Variants in MEF2D observed in about 807,000 individuals in gnomAD.
The protein encoded by MEF2D is myocyte-specific enhancer factor 2D.
Under a neutral mutation model 59.3 loss-of-function variants are expected in MEF2D, and 10 were observed. That is an observed-to-expected ratio of 0.17 (90% confidence interval 0.10 to 0.29). The LOEUF (loss-of-function observed/expected upper bound fraction) is 0.29. MEF2D is among the 10% of genes least tolerant of loss of function. The pLI is 1.00. For synonymous variants in MEF2D, 305 were observed against 295.0 expected (o/e 1.03, Z -0.35); for missense variants, 508 against 699.4 (o/e 0.73, Z 3.09).
chr1:156,474,388 G>A (rs771839267), intron 9 of MEF2D, among the ~76,000 whole-genome samples: 7 of 152,184 alleles, frequency 4.6e-5, no homozygotes, highest in Non-Finnish European at 8.8e-5. Flanking sequence ...AGAAGAGGTT[G>A]CAGTGAGCCA....
chr1:156,474,986 T>C (rs1324518865), intron 9 of MEF2D, 122 bp downstream of exon 9: 2 of 1,389,982 alleles, frequency 1.4e-6, no homozygotes. Context: ...TAGGTGGGGG[T>C]TCCCCCAAAT....
rs975204945 is a variant in MEF2D at position 156,479,504 on chromosome 1, A to G, written c.607+82T>C. On this transcript the variant is annotated intron_variant, in intron 5 of 11. Transcript: ENST00000348159. ...GGAATGCTGTGGTGGGTGAAGAGAA[A>G]TACTTGCTGTTGAAAATGGAATCCC... 3.3e-6 allele frequency: 5 copies of G among 1,518,048 alleles called. No homozygotes were observed. The Admixed American group carries it at 1.0e-4, about 30-fold the overall frequency. The allele number at this position is 1,518,048 out of a possible 1,614,324, so 94.0% of individuals were successfully genotyped here.
Position 156,477,188 on chromosome 1 carries a change from T to C in MEF2D, c.679A>G (p.Ser227Gly). ...AGGAGGCCAGGGGAAGCCCGAGCAC[T>C]GACGTAGCCATTCCCTGGAGAAGTG... ...CPSPVGNGYV[S>G]ARASPGLLPV... The change falls in exon 7 of 12, where the codon AGT becomes GGT. Residue 227 changes from serine (S) to glycine (G), a missense_variant. By Grantham distance (56) the Ser-to-Gly change is moderately conservative (BLOSUM62 0). Around this residue, in one of 2 missense-constraint regions of MEF2D, gnomAD observed 481 missense variants for 584.7 expected, o/e 0.82. Coordinates refer to ENST00000348159, the MANE Select transcript of MEF2D (RefSeq NM_005920.4). 1.2e-6 allele frequency: 2 copies of C among 1,603,812 alleles called. No homozygotes were observed. Among genetic ancestry groups the C allele is most frequent in the Non-Finnish European group, 1.7e-6 (2 of 1,173,992 alleles).
rs568884554 is a variant in MEF2D at position 156,500,322 on chromosome 1, C to A, written c.-139+164G>T. ...CAGTCCCCTAGGTAATCCCCGCCAA[C>A]GCCACACGAAAACACGGCCCGCTTC... On this transcript the variant is annotated intron_variant, in intron 1 of 11. Transcript: ENST00000348159. Among the ~76,000 whole-genome samples the A allele has an allele frequency of 1.8e-4, 27 of 152,362 alleles. No individual in the cohort carries two copies. In the East Asian group the frequency reaches 5.0e-3, roughly 28 times the overall value.
chr1:156,468,805 C>T lies in MEF2D; in HGVS notation c.1222G>A (p.Val408Ile). 1.2e-6 allele frequency: 2 copies of T among 1,613,918 alleles called. No homozygotes were observed. Among genetic ancestry groups the T allele is most frequent in the Non-Finnish European group, 1.7e-6 (2 of 1,179,846 alleles). ...ATGAGGTTGCTGAGAGATACAGGGA[C>T]CAGGTGGGACTGTTGCTGAGGTGGC... Reference protein sequence around the residue: ...QQPPQQQSHLVPVSLSNLIPG... With the variant: ...QQPPQQQSHLIPVSLSNLIPG... Residue 408 changes from valine (V) to isoleucine (I), a missense_variant, in exon 10 of 12, where the codon GTC becomes ATC. Physicochemically the swap from Val to Ile is conservative, Grantham distance 29. Around this residue, in one of 2 missense-constraint regions of MEF2D, gnomAD observed 481 missense variants for 584.7 expected, o/e 0.82. Coordinates refer to ENST00000348159, the MANE Select transcript of MEF2D (RefSeq NM_005920.4). The surrounding 1 kb of genome is among the most constrained non-coding windows in gnomAD (Gnocchi z 4.3).
chr1:156,474,696 G>A (rs911037455), intron 9 of MEF2D, among the ~76,000 whole-genome samples: 6 of 152,120 alleles, frequency 3.9e-5, no homozygotes, highest in Admixed American at 3.9e-4. Flanking sequence ...TGTAGTCCCA[G>A]CTACTCAGGA....
In MEF2D at chr1:156,483,395, A is replaced by G. The variant is rs1239220133; in HGVS notation, c.-103T>C. On this transcript the variant is annotated 5_prime_UTR_variant, in exon 2 of 12. An upstream open reading frame in the 5' UTR loses its in-frame stop. Transcript: ENST00000348159. ...CATGAACGGTCTGGGAACAGTGCTC[A>G]GTTCATGGTCTGCAGGATACCTTCT... The G allele has an allele frequency of 2.7e-6, 3 of 1,121,766 alleles. No homozygotes were observed. The highest frequency in any genetic ancestry group is 4.1e-6 in the Non-Finnish European group (3 of 737,072). The allele number at this position is 1,121,766 out of a possible 1,614,324, so 69.5% of individuals were successfully genotyped here.
intron 5 of MEF2D, 48 bp downstream of exon 5, chr1:156,479,538 C>T (rs1188816113): frequency 4.5e-6 from 7 of 1,543,270 alleles, no homozygotes; most frequent in Admixed American, 4.0e-5. Context: ...CCAAAGTCCC[C>T]ATCACATCTC....
At chr1:156,470,779 T>C (rs867798093) in intron 9 of MEF2D, among the ~76,000 whole-genome samples, 2 of 152,178 alleles carry the variant, frequency 1.3e-5, no homozygotes, top group South Asian at 2.1e-4. Flanking sequence ...ACAAAAAGCA[T>C]GTAGAACAGT....
intron 1 of MEF2D, among the ~76,000 whole-genome samples, 188 bp from the exon 2 acceptor site, chr1:156,483,618 C>T (rs1672164047): frequency 6.6e-6 from 1 of 152,234 alleles, no homozygotes; most frequent in Non-Finnish European, 1.5e-5. Context: ...CTGGAGCTCA[C>T]ACCAAGGCCC....
In MEF2D at chr1:156,464,747, A is replaced by G. The variant is rs1670739362; in HGVS notation, c.*2898T>C. ...CACCCCATCCCCAGGGACAGAGAAG[A>G]AAGGACACTGAAACATCCACACATG... On this transcript the variant is annotated 3_prime_UTR_variant, in exon 12 of 12. Transcript: ENST00000348159. 6.6e-6 allele frequency: 1 copy of G among 152,246 alleles called. No individual in the cohort carries two copies. Among genetic ancestry groups the G allele is most frequent in the Non-Finnish European group, 1.5e-5 (1 of 68,076 alleles). The allele number at this position is 152,246 out of a possible 1,614,324, so 9.4% of individuals were successfully genotyped here.
At chr1:156,493,257 G>A (rs1057509830) in intron 1 of MEF2D, among the ~76,000 whole-genome samples, 1 of 152,184 alleles carries the variant, frequency 6.6e-6, no homozygotes, top group Non-Finnish European at 1.5e-5. Flanking sequence ...AAAACATGAA[G>A]GGTTCACCTA....
In MEF2D at chr1:156,466,082, TG is replaced by T. The variant is rs1670820732; in HGVS notation, c.*1562del. The T allele has an allele frequency of 6.6e-6, 1 of 152,172 alleles. No homozygotes were observed. The highest frequency in any genetic ancestry group is 2.1e-4 in the South Asian group (1 of 4,828). The allele number at this position is 152,172 out of a possible 1,614,324, so 9.4% of individuals were successfully genotyped here. A position where few individuals can be genotyped will look rare whatever the true frequency, so the allele number is the denominator to read the frequency against. On this transcript the variant is annotated 3_prime_UTR_variant, in exon 12 of 12. Transcript: ENST00000348159. ...CCCCCTCTGGTTTGATCTCCAATCC[TG>T]CCTGAGGTCTCAGGACCCCGTGCTT...
rs58318768 is a variant in MEF2D, at chr1:156,466,631, C to T, written c.*1014G>A. On this transcript the variant is annotated 3_prime_UTR_variant, in exon 12 of 12. Transcript: ENST00000348159. ...ACCAAGGACGTCCCCTCACCACACT[C>T]GCCCCAATGAAAGAGCTCTGGCCTG... 9.2e-3 allele frequency: 1,403 copies of T among 152,834 alleles called. 25 individuals carry two copies. The highest frequency in any genetic ancestry group is 0.032 in the African/African-American group (1,327 of 41,502). The allele number at this position is 152,834 out of a possible 1,614,324, so 9.5% of individuals were successfully genotyped here.
At chr1:156,480,251 C>A (rs757304907) in intron 4 of MEF2D, among the ~76,000 whole-genome samples, 1 of 152,060 alleles carries the variant, frequency 6.6e-6, no homozygotes, top group Non-Finnish European at 1.5e-5. Context: ...CTCACCCCCA[C>A]CTCGCTGCCT....
chr1:156,479,563 T>C, intron 5 of MEF2D, 23 bp downstream of exon 5: 1 of 1,549,196 alleles, frequency 6.5e-7, no homozygotes, highest in Non-Finnish European at 8.7e-7. Flanking sequence ...CCACCTCACC[T>C]ACCCACCTGC....
At chr1:156,490,790 G>C (rs1672741568) in intron 1 of MEF2D, among the ~76,000 whole-genome samples, 1 of 152,196 alleles carries the variant, frequency 6.6e-6, no homozygotes, top group Admixed American at 6.5e-5. Context: ...TCCTGGGATG[G>C]GGTCATCCTG....
At chr1:156,493,892 C>T (rs1037236087) in intron 1 of MEF2D, among the ~76,000 whole-genome samples, 2 of 152,220 alleles carry the variant, frequency 1.3e-5, no homozygotes, top group East Asian at 1.9e-4. Context: ...AGCTCCCCAC[C>T]CCCAGGCTGA....
chr1:156,498,692 C>G lies in MEF2D; in HGVS notation c.-139+1794G>C, dbSNP rs188806337. Among the ~76,000 whole-genome samples, 730 of 147,420 alleles carry G rather than the reference C, an allele frequency of 5.0e-3. 3 individuals carry two copies. The highest frequency in any genetic ancestry group is 7.5e-3 in the Non-Finnish European group (502 of 66,800). On this transcript the variant is annotated intron_variant, in intron 1 of 11. Coordinates refer to ENST00000348159, the MANE Select transcript of MEF2D (RefSeq NM_005920.4). ...ACATATACACACATATGCAAACATA[C>G]AGGGTGTGTTGGCGGGGGCAGGGGA...
Sources: gnomAD v4.1 joint callset for allele counts (sites outside exome capture counted in the v4.1 genomes callset) on GRCh38, gnomAD v4.1.1 for gene constraint, gnomAD v4.1.1 regional missense constraint, Gnocchi (gnomAD v3.1) non-coding constraint, MANE v1.5 for transcripts, NCBI Gene and HGNC (gene_info 2026-07-23, HGNC 2026-07-21) for gene names.